AGAP1: variants seen among roughly 807,000 people sequenced by gnomAD.
AGAP1 encodes arf-GAP with GTPase, ANK repeat and PH domain-containing protein 1.
A neutral mutation model predicts 105.3 loss-of-function variants in AGAP1; 29 were observed. The observed-to-expected ratio is 0.28, with a 90% CI of 0.21 to 0.38. The LOEUF (loss-of-function observed/expected upper bound fraction) is 0.38. Among genes scored for constraint, AGAP1 ranks in the 10% least tolerant of loss-of-function variants. The probability of loss-of-function intolerance (pLI) is 1.00; values close to 1 mark genes in which losing one functional copy is unlikely to be tolerated. For synonymous variants in AGAP1, 509 were observed against 485.9 expected (o/e 1.05, Z -0.63); for missense variants, 998 against 1,165.1 (o/e 0.86, Z 2.09).
At chr2:235,683,184 G>C (rs914446755) in intron 1 of AGAP1, among the ~76,000 whole-genome samples, 3 of 151,290 alleles carry the variant, frequency 2.0e-5, no homozygotes, top group Non-Finnish European at 1.5e-5. Flanking sequence ...GCACACACTT[G>C]TAATCCCAGC....
rs1553615538 is a variant in AGAP1, at chr2:235,728,324, T to TGTGTGTGTGTGTGTGTGTGTGTGCGC, written c.310+10683_310+10684insTGTGTGTGTGTGTGTGTGTGCGCGTG. 6.6e-6 allele frequency among the ~76,000 whole-genome samples: 1 copy of TGTGTGTGTGTGTGTGTGTGTGTGCGC among 150,946 alleles called. No homozygotes were observed. Among genetic ancestry groups the TGTGTGTGTGTGTGTGTGTGTGTGCGC allele is most frequent in the African/African-American group, 2.5e-5 (1 of 40,492 alleles). ...CTCTGTGTGTGTGTGTGTGTGTGTG[T>TGTGTGTGTGTGTGTGTGTGTGTGCGC]GTGCGTGCTCTTAAATCAATGTAAA... On this transcript the variant is annotated intron_variant, in intron 3 of 17. Transcript: ENST00000304032. The surrounding 1 kb of genome is among the most constrained non-coding windows in gnomAD (Gnocchi z 4.3).
rs145540679 is a variant in AGAP1 at position 235,915,756 on chromosome 2, A to G, written c.1324+6850A>G. ...GTGAAAATAAAAAATTCATTAGATA[A>G]ATACTGTAAAGAACGTGGCTAAAGA... On this transcript the variant is annotated intron_variant, in intron 11 of 17. Coordinates refer to ENST00000304032, the MANE Select transcript of AGAP1 (RefSeq NM_001037131.3). 3.1e-3 allele frequency among the ~76,000 whole-genome samples: 467 copies of G among 152,340 alleles called. 1 individual carries two copies. Among genetic ancestry groups the G allele is most frequent in the African/African-American group, 0.011 (446 of 41,580 alleles).
chr2:235,898,647 G>T (rs2124976608), intron 10 of AGAP1, among the ~76,000 whole-genome samples: 1 of 152,320 alleles, frequency 6.6e-6, no homozygotes, highest in East Asian at 1.9e-4. Flanking sequence ...TTGGACAAGA[G>T]TGGTGAGAGC....
At chr2:235,768,471 G>T (rs1007954670) in intron 6 of AGAP1, among the ~76,000 whole-genome samples, 2 of 152,212 alleles carry the variant, frequency 1.3e-5, no homozygotes, top group Admixed American at 6.5e-5. Flanking sequence ...CATGAGAAAA[G>T]AAGTTAAGTA....
At chr2:235,969,481 A>T (rs1362983869) in intron 13 of AGAP1, among the ~76,000 whole-genome samples, 1 of 152,330 alleles carries the variant, frequency 6.6e-6, no homozygotes. Context: ...TGAGACCGAC[A>T]TGGTAAAAGC....
chr2:235,512,934 C>T (rs1942212541), intron 1 of AGAP1, among the ~76,000 whole-genome samples: 2 of 152,252 alleles, frequency 1.3e-5, no homozygotes, highest in Non-Finnish European at 2.9e-5. Context: ...GGGCTCCCGG[C>T]CGGCCTAGGC....
chr2:235,968,570 G>A lies in AGAP1; in HGVS notation c.1592G>A (p.Arg531Lys). The A allele has an allele frequency of 6.3e-7, 1 of 1,595,258 alleles. No individual in the cohort carries two copies. Among genetic ancestry groups the A allele is most frequent in the Non-Finnish European group, 8.5e-7 (1 of 1,175,166 alleles). Residue 531 changes from arginine (R) to lysine (K), a missense_variant, in exon 13 of 18, where the codon AGG (arginine) becomes AAG (lysine). Physicochemically the swap from Arg to Lys is conservative, Grantham distance 26. Transcript: ENST00000304032. ...CACGCCAACAGAAAGAAGCACCGAA[G>A]GAAGAAAAGCACTAGCAACTTCAAA... is the stretch of plus-strand genomic sequence containing the variant. ...SPHANRKKHR[R>K]KKSTSNFKAD...
intron 12 of AGAP1, among the ~76,000 whole-genome samples, chr2:235,954,898 T>C (rs1218382790): frequency 6.6e-6 from 1 of 152,048 alleles, no homozygotes; most frequent in Non-Finnish European, 1.5e-5. Context: ...CCTCCATGTG[T>C]CTGGATGTTG....
chr2:235,686,473 C>T (rs1477925211), intron 1 of AGAP1, among the ~76,000 whole-genome samples: 2 of 150,124 alleles, frequency 1.3e-5, no homozygotes, highest in African/African-American at 4.9e-5. Context: ...TGTAGCCAAA[C>T]CTAGGTATGA....
chr2:235,536,635 A>T (rs1362071132), intron 1 of AGAP1, among the ~76,000 whole-genome samples: 5 of 65,444 alleles, frequency 7.6e-5, no homozygotes, highest in Non-Finnish European at 1.5e-4. Context: ...CTTCACACAC[A>T]CACACACACA....
intron 11 of AGAP1, among the ~76,000 whole-genome samples, chr2:235,928,254 C>A (rs1209924960): frequency 6.6e-6 from 1 of 152,172 alleles, no homozygotes; most frequent in African/African-American, 2.4e-5. Flanking sequence ...CCAGGGAAGC[C>A]CCGGCAGCCA....
Position 235,737,637 on chromosome 2 carries a change from G to C in AGAP1, c.311-3326G>C, listed in dbSNP as rs60096867. Among the ~76,000 whole-genome samples, 1 of 152,184 alleles carries C rather than the reference G, an allele frequency of 6.6e-6. No homozygotes were observed. Among genetic ancestry groups the C allele is most frequent in the Non-Finnish European group, 1.5e-5 (1 of 68,034 alleles). ...AGAGGAAGCAAAGGAGAGGATGGAC[G>C]TGAAATCCGTCCTATGCATGCTCAC... On this transcript the variant is annotated intron_variant, in intron 3 of 17. Transcript: ENST00000304032. The surrounding 1 kb of genome is among the most constrained non-coding windows in gnomAD (Gnocchi z 4.5).
At chr2:235,903,376 G>A (rs2051154728) in intron 10 of AGAP1, among the ~76,000 whole-genome samples, 3 of 152,108 alleles carry the variant, frequency 2.0e-5, no homozygotes, top group Non-Finnish European at 4.4e-5. Flanking sequence ...AAAGCCATAT[G>A]GTTATTTCTG....
intron 2 of AGAP1, among the ~76,000 whole-genome samples, chr2:235,711,880 A>G (rs977997785): frequency 6.6e-6 from 1 of 152,218 alleles, no homozygotes; most frequent in African/African-American, 2.4e-5. Context: ...TCACAAACGC[A>G]GCAGTGACAT....
intron 1 of AGAP1, among the ~76,000 whole-genome samples, chr2:235,548,226 G>A (rs548866278): frequency 2.6e-5 from 4 of 152,324 alleles, no homozygotes; most frequent in African/African-American, 7.2e-5. Context: ...TGCCCTGCAC[G>A]CCACACTGCT....
Position 235,827,945 on chromosome 2 carries a change from T to A in AGAP1, c.1050+20614T>A, listed in dbSNP as rs570512311. Among the ~76,000 whole-genome samples the A allele has an allele frequency of 2.6e-5, 4 of 152,316 alleles. No homozygotes were observed. The East Asian group carries it at 7.7e-4, about 29-fold the overall frequency. ...CACTGGCTTCTGGGAAGCGCTGGTTTCTGGAGCAGGCCAGCCTGCGGGACT... is the reference window on the plus strand; with the variant it reads ...CACTGGCTTCTGGGAAGCGCTGGTTACTGGAGCAGGCCAGCCTGCGGGACT... On this transcript the variant is annotated intron_variant, in intron 9 of 17. Coordinates refer to ENST00000304032, the MANE Select transcript of AGAP1 (RefSeq NM_001037131.3).
chr2:235,716,547 C>T lies in AGAP1; in HGVS notation c.223-1010C>T, dbSNP rs1279732553. On this transcript the variant is annotated intron_variant, in intron 2 of 17. Transcript: ENST00000304032. The surrounding 1 kb of genome is among the most constrained non-coding windows in gnomAD (Gnocchi z 4.0). ...GAATGGCAGGTGGCCTTAATGAGCACCTGTGCCTGGGGATGGGTGCCTTGT... is the reference window on the plus strand; with the variant it reads ...GAATGGCAGGTGGCCTTAATGAGCATCTGTGCCTGGGGATGGGTGCCTTGT... Among the ~76,000 whole-genome samples the T allele has an allele frequency of 6.6e-6, 1 of 151,992 alleles. No individual in the cohort carries two copies. The highest frequency in any genetic ancestry group is 1.5e-5 in the Non-Finnish European group (1 of 67,990).
In AGAP1 at chr2:235,578,612, G is replaced by A. The variant is rs1411094648; in HGVS notation, c.163+83763G>A. Among the ~76,000 whole-genome samples the A allele has an allele frequency of 5.3e-5, 8 of 151,936 alleles. No homozygotes were observed. The highest frequency in any genetic ancestry group is 1.9e-4 in the East Asian group (1 of 5,144). ...AGCCTGGGCAACATGGTGAAACCTC[G>A]TCTCTACTAAAAATACAAAAAAATT... On this transcript the variant is annotated intron_variant, in intron 1 of 17. Coordinates refer to ENST00000304032, the MANE Select transcript of AGAP1 (RefSeq NM_001037131.3). The surrounding 1 kb of genome is among the most constrained non-coding windows in gnomAD (Gnocchi z 4.9).
chr2:236,054,496 AAAAG>A (rs2057997418), intron 16 of AGAP1, among the ~76,000 whole-genome samples: 2 of 152,010 alleles, frequency 1.3e-5, no homozygotes, highest in Admixed American at 6.5e-5. Flanking sequence ...AAAAAAAAAA[AAAAG>A]GGAGGGGGAG....
Sources: allele counts gnomAD v4.1 joint callset (sites outside exome capture counted in the v4.1 genomes callset), GRCh38; gene constraint gnomAD v4.1.1; non-coding constraint Gnocchi (gnomAD v3.1); transcripts MANE v1.5; gene names NCBI Gene and HGNC (gene_info 2026-07-23, HGNC 2026-07-21).